NCOA4: variants seen among roughly 807,000 people sequenced by gnomAD.
NCOA4 encodes 70 kDa AR-activator.
In NCOA4, 31 loss-of-function variants were observed where a neutral mutation model predicts 69.5. The ratio of observed to expected loss-of-function variants is 0.45; its 90% confidence interval spans 0.34 to 0.60. The LOEUF (loss-of-function observed/expected upper bound fraction) is 0.60. NCOA4 is among the 20% of genes least tolerant of loss of function. The pLI is 0.02. For missense variants in NCOA4, 600 were observed against 719.2 expected (o/e 0.83, Z 1.90); for synonymous variants, 228 against 252.4 (o/e 0.90, Z 0.92).
intron 7 of NCOA4, among the ~76,000 whole-genome samples, chr10:46,011,749 G>A (rs564744188): frequency 6.7e-4 from 101 of 151,766 alleles, no homozygotes; most frequent in African/African-American, 2.3e-3. Context: ...CATCAAAGAA[G>A]CCTAATAAAC....
At chr10:46,026,931 T>C (rs1375118862) in intron 1 of NCOA4, among the ~76,000 whole-genome samples, 3 of 152,134 alleles carry the variant, frequency 2.0e-5, no homozygotes, top group African/African-American at 7.2e-5. Flanking sequence ...TCTTGATTAA[T>C]CAAGCCAAGC....
At chr10:46,030,012 C>CA (rs1306193116) in intron 1 of NCOA4, among the ~76,000 whole-genome samples, 4 of 151,778 alleles carry the variant, frequency 2.6e-5, no homozygotes, top group Non-Finnish European at 5.9e-5. Context: ...CACAGAGGGC[C>CA]AAAAAAACCC....
Position 46,010,415 on chromosome 10 carries a change from T to C in NCOA4, c.1506A>G (p.Pro502=), listed in dbSNP as rs369321812. 4.3e-6 allele frequency: 7 copies of C among 1,614,054 alleles called. No homozygotes were observed. The highest frequency in any genetic ancestry group is 5.9e-6 in the Non-Finnish European group (7 of 1,180,028). Residue 502 remains proline (P), a synonymous_variant, in exon 8 of 10, where the codon CCA becomes CCG. Transcript: ENST00000581486. ...SPLSEWLIRP[P]YKEGSPKEVP... Reference sequence around the variant, plus strand: ...CTTCCTTGGGACTTCCTTCTTTGTATGGGGGCCTGATAAGCCACTCCGACA... The same window carrying C: ...CTTCCTTGGGACTTCCTTCTTTGTACGGGGGCCTGATAAGCCACTCCGACA...
intron 9 of NCOA4, 97 bp from the exon 10 acceptor site, chr10:46,006,694 A>T: frequency 9.0e-7 from 1 of 1,106,766 alleles, no homozygotes; most frequent in Non-Finnish European, 1.4e-6. Flanking sequence ...CAATACAGGT[A>T]TACCCTTGTT....
chr10:46,024,854 C>T (rs956043269), intron 1 of NCOA4, among the ~76,000 whole-genome samples: 2 of 152,240 alleles, frequency 1.3e-5, no homozygotes, highest in Non-Finnish European at 2.9e-5. Flanking sequence ...TCTCCTATGG[C>T]TCCCCATTTG....
intron 1 of NCOA4, among the ~76,000 whole-genome samples, chr10:46,019,006 A>C (rs547096317): frequency 1.3e-5 from 2 of 152,326 alleles, no homozygotes; most frequent in East Asian, 3.9e-4. Flanking sequence ...GCAGCAAAAC[A>C]AACTTTCTGT....
chr10:46,019,406 T>C (rs1329273169), intron 1 of NCOA4: 7 of 985,264 alleles, frequency 7.1e-6, no homozygotes, highest in East Asian at 1.1e-4. Context: ...AGGCCAGTCA[T>C]GCAAGACCTG....
intron 1 of NCOA4, among the ~76,000 whole-genome samples, chr10:46,022,921 A>G (rs948314346): frequency 6.6e-6 from 1 of 152,208 alleles, no homozygotes. Context: ...AAACGTTAAT[A>G]TCGCAACAGA....
intron 5 of NCOA4, among the ~76,000 whole-genome samples, chr10:46,014,117 C>T (rs1284999356): frequency 1.3e-5 from 2 of 152,068 alleles, no homozygotes; most frequent in African/African-American, 2.4e-5. Flanking sequence ...ACCTCCGCCT[C>T]CCAGCTTGAA....
chr10:46,027,221 A>C (rs1327461765), intron 1 of NCOA4, among the ~76,000 whole-genome samples: 1 of 147,268 alleles, frequency 6.8e-6, no homozygotes, highest in African/African-American at 2.5e-5. Context: ...CAATGAGCGG[A>C]GATCGCCCAC....
chr10:46,011,266 T>G (rs1839186749), intron 7 of NCOA4, 60 bp from the exon 8 acceptor site: 1 of 1,493,292 alleles, frequency 6.7e-7, no homozygotes, highest in Non-Finnish European at 9.0e-7. Context: ...TTGGAGATTC[T>G]GTCTGCACTT....
rs1178474540 is a variant in NCOA4 at position 46,015,195 on chromosome 10, A to C, written c.213T>G (p.Tyr71Ter). 6.2e-7 allele frequency: 1 copy of C among 1,614,004 alleles called. No individual in the cohort carries two copies. Among genetic ancestry groups the C allele is most frequent in the African/African-American group, 1.3e-5 (1 of 74,912 alleles). The stretch of plus-strand genomic sequence containing the variant: ...GCTGATAAATAAGGTCCACCTGTTC[A>C]TACAGCCATACCTCACGGCTTCTAA... ...ECLRSREVWL[Y>*]EQVDLIYQLK... Residue 71 changes from tyrosine to a stop codon, truncating the protein, a stop_gained, in exon 3 of 10, where the codon TAT becomes TAG. Transcript: ENST00000581486. LOFTEE classifies it high-confidence loss of function.
At chr10:46,030,082 C>A (rs1265572874) in intron 1 of NCOA4, among the ~76,000 whole-genome samples, 1 of 152,204 alleles carries the variant, frequency 6.6e-6, no homozygotes, top group Admixed American at 6.5e-5. Flanking sequence ...TGTGCCCGTC[C>A]GGCAAAACAG....
At position 46,027,845 on chromosome 10, in the gene NCOA4, G is replaced by A. The variant is rs148324126; in HGVS notation, c.-15+2681C>T. Among the ~76,000 whole-genome samples, 354 of 152,270 alleles carry A rather than the reference G, an allele frequency of 2.3e-3. 1 individual carries two copies. Among genetic ancestry groups the A allele is most frequent in the Non-Finnish European group, 4.4e-3 (298 of 68,030 alleles). On this transcript the variant is annotated intron_variant, in intron 1 of 9. Coordinates refer to ENST00000581486, the MANE Select transcript of NCOA4 (RefSeq NM_001145263.2). ...ACAAATCTTCATTTTCTGAGGCTAG[G>A]TATACTTTCTTGGAAAGATCTGATG...
chr10:46,026,372 G>A (rs1165558376), intron 1 of NCOA4, among the ~76,000 whole-genome samples: 3 of 152,126 alleles, frequency 2.0e-5, no homozygotes, highest in African/African-American at 7.2e-5. Flanking sequence ...TGGGTTAAAG[G>A]GGACACATTT....
chr10:46,013,567 TAC>T lies in NCOA4; in HGVS notation c.551_552del (p.Cys184TyrfsTer65). On this transcript the variant is annotated frameshift_variant, in exon 6 of 10. Transcript: ENST00000581486. LOFTEE classifies it high-confidence loss of function. ...NIGPFLEKRG[C>X]ISMPEQKSAS... Reference sequence around the variant, plus strand: ...TATTTTACCTGCTCTGGCATGGAGATACAGCCTCTCTTCTCCAGGAAGGGCCC... The same window carrying T: ...TATTTTACCTGCTCTGGCATGGAGATAGCCTCTCTTCTCCAGGAAGGGCCC... 1 of 1,612,006 alleles carries T rather than the reference TAC, an allele frequency of 6.2e-7. No individual in the cohort carries two copies.
chr10:46,006,893 A>G (rs1201175662), intron 9 of NCOA4, among the ~76,000 whole-genome samples: 2 of 152,152 alleles, frequency 1.3e-5, no homozygotes, highest in Non-Finnish European at 2.9e-5. Flanking sequence ...TAACCCTACA[A>G]TTGCATCTAA....
rs373912321 is a variant in NCOA4, at chr10:46,010,682, A to G, written c.1239T>C (p.Phe413=). 75 of 1,614,006 alleles carry G rather than the reference A, an allele frequency of 4.6e-5. No individual in the cohort carries two copies. Among genetic ancestry groups the G allele is most frequent in the Non-Finnish European group, 6.2e-5 (73 of 1,180,012 alleles). The change falls in exon 8 of 10, where the codon TTT becomes TTC. Residue 413 remains phenylalanine, a synonymous_variant. Transcript: ENST00000581486. The part of the protein sequence containing the change: ...VCRANEPCTS[F]AECVCDENCE... ...AATTCTCATCACACACACACTCTGC[A>G]AAGCTTGTGCAGGGCTCATTGGCTC...
intron 1 of NCOA4, among the ~76,000 whole-genome samples, chr10:46,025,108 C>G (rs1554925289): frequency 1.3e-5 from 2 of 152,180 alleles, no homozygotes; most frequent in Non-Finnish European, 2.9e-5. Flanking sequence ...AGTCCAAGTG[C>G]AAAGGCCTCA....
Sources: allele counts gnomAD v4.1 joint callset (sites outside exome capture counted in the v4.1 genomes callset), GRCh38; gene constraint gnomAD v4.1.1; transcripts MANE v1.5; gene names NCBI Gene and HGNC (gene_info 2026-07-23, HGNC 2026-07-21).